Variants in MID1 observed in about 807,000 individuals in gnomAD.
MID1 encodes the protein E3 ubiquitin-protein ligase Midline-1.
Under a neutral mutation model 40.4 loss-of-function variants are expected in MID1, and 7 were observed. The observed-to-expected ratio is 0.17, with a 90% CI of 0.10 to 0.33. The LOEUF is 0.33. MID1 is among the 10% of genes least tolerant of loss of function. MID1 has a pLI of 1.00. For synonymous variants in MID1, 229 were observed against 221.2 expected (o/e 1.04, Z -0.31); for missense variants, 367 against 558.5 (o/e 0.66, Z 3.46).
chrX:10,757,623 T>C lies in MID1; in HGVS notation c.-187+75931A>G, dbSNP rs191858190. 8.5e-4 allele frequency among the ~76,000 whole-genome samples: 95 copies of C among 112,409 alleles called. 1 individual carries two copies. In the East Asian group the frequency reaches 0.025, roughly 30 times the overall value. On this transcript the variant is annotated intron_variant, in intron 1 of 10. Transcript: ENST00000380785. ...ATTAAGTATTTCTGAAACTATCTCATTAGAAAAGAACTTTTTCATTATTGA... is the reference window on the plus strand; with the variant it reads ...ATTAAGTATTTCTGAAACTATCTCACTAGAAAAGAACTTTTTCATTATTGA...
chrX:10,773,783 T>C (rs1007191299), intron 1 of MID1, among the ~76,000 whole-genome samples: 1 of 112,271 alleles, frequency 8.9e-6, no homozygotes, highest in African/African-American at 3.2e-5. Context: ...GTCAAGTTGA[T>C]ATAGGCCATA....
intron 7 of MID1, among the ~76,000 whole-genome samples, chrX:10,468,499 T>C (rs1929511149): frequency 8.9e-6 from 1 of 112,793 alleles, no homozygotes; most frequent in African/African-American, 3.2e-5. Flanking sequence ...AACATCTCTT[T>C]GTTGAAACAT....
chrX:10,656,388 T>C (rs1229684671), intron 1 of MID1, among the ~76,000 whole-genome samples: 2 of 112,042 alleles, frequency 1.8e-5, no homozygotes, highest in Non-Finnish European at 3.8e-5. Context: ...GCCCCCTTCC[T>C]ATGGCCTTTT....
Position 10,533,379 on chromosome X carries a change from A to AG in MID1, c.661-10193_661-10192insC, listed in dbSNP as rs1414764084. ...AAGAAAGAAAGAAAGAAAGAAAGAA[A>AG]AAGAAAGAAAGAAAAGAAAGAAAGA... On this transcript the variant is annotated intron_variant, in intron 2 of 9. Transcript: ENST00000317552. Among the ~76,000 whole-genome samples the AG allele has an allele frequency of 2.4e-3, 127 of 53,540 alleles. 2 individuals carry two copies. The highest frequency in any genetic ancestry group is 8.1e-3 in the East Asian group (6 of 741). 46.5% of individuals were successfully genotyped at this position (53,540 alleles called of 115,157 possible). A position where few individuals can be genotyped will look rare whatever the true frequency, so the allele number is the denominator to read the frequency against.
intron 2 of MID1, among the ~76,000 whole-genome samples, chrX:10,563,602 G>A (rs1934421403): frequency 8.9e-6 from 1 of 111,836 alleles, no homozygotes; most frequent in South Asian, 3.7e-4. Context: ...CCACATTATG[G>A]ATACGCTCCA....
intron 1 of MID1, among the ~76,000 whole-genome samples, chrX:10,607,192 C>T (rs149839735): frequency 3.9e-3 from 432 of 112,158 alleles, no homozygotes; most frequent in Non-Finnish European, 5.8e-3. Flanking sequence ...ACCTGATCCC[C>T]GCTGGTAAGG....
At chrX:10,601,348 A>C (rs1935515207) in intron 1 of MID1, among the ~76,000 whole-genome samples, 1 of 112,177 alleles carries the variant, frequency 8.9e-6, no homozygotes, top group African/African-American at 3.2e-5. Flanking sequence ...CAAGCTAAGA[A>C]TGGTTCTTAC....
intron 1 of MID1, among the ~76,000 whole-genome samples, chrX:10,679,912 A>G (rs2043047887): frequency 8.9e-6 from 1 of 112,306 alleles, no homozygotes. Flanking sequence ...GAACTACTAT[A>G]CAAACCTCAG....
At chrX:10,661,693 A>G (rs2042914603) in intron 1 of MID1, among the ~76,000 whole-genome samples, 1 of 112,130 alleles carries the variant, frequency 8.9e-6, no homozygotes, top group Non-Finnish European at 1.9e-5. Flanking sequence ...TATTTTTTCT[A>G]CTTGTAGAAG....
At chrX:10,766,425 A>T (rs16998826) in intron 1 of MID1, among the ~76,000 whole-genome samples, 11,655 of 111,359 alleles carry the variant, frequency 0.1, 1,481 homozygotes, top group African/African-American at 0.36. Flanking sequence ...ATATCCAAGG[A>T]TCCGGCTGAT....
At chrX:10,806,914 TA>T (rs372083128) in intron 1 of MID1, among the ~76,000 whole-genome samples, 3 of 111,209 alleles carry the variant, frequency 2.7e-5, no homozygotes, top group South Asian at 3.8e-4. Context: ...TATTCAGAAT[TA>T]AAAAAAACAT....
intron 1 of MID1, among the ~76,000 whole-genome samples, chrX:10,687,870 T>C (rs192396107): frequency 9.0e-6 from 1 of 111,135 alleles, no homozygotes; most frequent in Non-Finnish European, 1.9e-5. Flanking sequence ...CTTGCCACTA[T>C]GCCTACCTAC....
intron 5 of MID1, among the ~76,000 whole-genome samples, chrX:10,478,463 T>C (rs1930132110): frequency 8.9e-6 from 1 of 112,267 alleles, no homozygotes; most frequent in African/African-American, 3.2e-5. Flanking sequence ...TACAGATTTA[T>C]GGATCCATTC....
intron 1 of MID1, among the ~76,000 whole-genome samples, chrX:10,675,120 A>T (rs2043014261): frequency 8.9e-6 from 1 of 112,309 alleles, no homozygotes. Flanking sequence ...GAATTAAGTA[A>T]ACTGAAGTAA....
intron 1 of MID1, among the ~76,000 whole-genome samples, chrX:10,719,892 T>C (rs1235112017): frequency 1.8e-5 from 2 of 111,135 alleles, no homozygotes; most frequent in African/African-American, 3.3e-5. Flanking sequence ...GAAATAATGC[T>C]GCATATCTAC....
At chrX:10,798,967 AT>A (rs1200014600) in intron 1 of MID1, among the ~76,000 whole-genome samples, 5 of 111,131 alleles carry the variant, frequency 4.5e-5, no homozygotes, top group Non-Finnish European at 9.4e-5. Flanking sequence ...TTGTGGGTGA[AT>A]TTTTTTTCTT....
intron 1 of MID1, among the ~76,000 whole-genome samples, chrX:10,733,867 G>A (rs1468001803): frequency 8.9e-6 from 1 of 112,287 alleles, no homozygotes; most frequent in Non-Finnish European, 1.9e-5. Flanking sequence ...AATGGTACAA[G>A]CAGATTGGAA....
chrX:10,591,979 A>G (rs755393936), intron 1 of MID1, among the ~76,000 whole-genome samples: 136 of 111,063 alleles, frequency 1.2e-3, no homozygotes, highest in Non-Finnish European at 2.1e-3. Context: ...TATGATGGAT[A>G]TGGTAATGAT....
chrX:10,464,575 T>C (rs1929231000), intron 7 of MID1, among the ~76,000 whole-genome samples: 1 of 111,707 alleles, frequency 9.0e-6, no homozygotes, highest in Admixed American at 9.5e-5. Flanking sequence ...TTAAAAAGAA[T>C]GTGTGTAATT....
Sources: gnomAD v4.1 joint callset for allele counts (sites outside exome capture counted in the v4.1 genomes callset) on GRCh38, gnomAD v4.1.1 for gene constraint, MANE v1.5 for transcripts, NCBI Gene and HGNC (gene_info 2026-07-23, HGNC 2026-07-21) for gene names.